CLIC2: variants seen among roughly 807,000 people sequenced by gnomAD.
CLIC2 encodes chloride intracellular channel protein 2.
CLIC2 carries 9 observed loss-of-function variants against 14.8 expected under a neutral mutation model. The ratio of observed to expected loss-of-function variants is 0.61; its 90% CI spans 0.37 to 1.06. CLIC2 has a LOEUF of 1.06. CLIC2 is among the 50% of genes least tolerant of loss of function. The pLI is 0.01. For missense variants in CLIC2, 148 were observed against 181.4 expected (o/e 0.82, Z 1.06); for synonymous variants, 61 against 66.3 (o/e 0.92, Z 0.39).
chrX:155,296,199 G>C (rs2074991377), intron 3 of CLIC2, among the ~76,000 whole-genome samples: 1 of 111,632 alleles, frequency 9.0e-6, no homozygotes, highest in Non-Finnish European at 1.9e-5. Flanking sequence ...AGAGAACCTA[G>C]AAATAAATTC....
At chrX:155,278,136 G>C (rs1193960050) in intron 5 of CLIC2, 72 bp from the exon 6 acceptor site, 1 of 937,099 alleles carries the variant, frequency 1.1e-6, no homozygotes, top group African/African-American at 1.9e-5. Context: ...ATGTTTCTTA[G>C]AAGTCAAGAT....
At chrX:155,296,941 C>CA (rs1340909073) in intron 3 of CLIC2, among the ~76,000 whole-genome samples, 4 of 111,618 alleles carry the variant, frequency 3.6e-5, no homozygotes, top group Non-Finnish European at 7.5e-5. Context: ...CCATAAGATC[C>CA]AAAAATCTCA....
chrX:155,305,647 C>A (rs1233452471), intron 1 of CLIC2, among the ~76,000 whole-genome samples: 1 of 112,562 alleles, frequency 8.9e-6, no homozygotes, highest in Non-Finnish European at 1.9e-5. Context: ...TGGCCATTGG[C>A]CATTTCCTTA....
rs782522627 is a variant in CLIC2, at chrX:155,312,357, G to A, written c.58-13212C>T. On this transcript the variant is annotated intron_variant, in intron 1 of 5. Transcript: ENST00000369449. ...TATTTTTGTATATGGTGTAGGAAAG[G>A]GGTCCATTTTAAACCTCCTGCATAG... is the stretch of plus-strand genomic sequence containing the variant. Among the ~76,000 whole-genome samples, 4 of 111,891 alleles carry A rather than the reference G, an allele frequency of 3.6e-5. No individual in the cohort carries two copies. The South Asian group carries it at 1.5e-3, about 41-fold the overall frequency.
intron 3 of CLIC2, among the ~76,000 whole-genome samples, chrX:155,282,402 GAGA>G (rs1189934170): frequency 4.5e-5 from 5 of 111,404 alleles, no homozygotes; most frequent in African/African-American, 1.6e-4. Context: ...CTTTGCTTGG[GAGA>G]AGAAGAGGTA....
intron 1 of CLIC2, among the ~76,000 whole-genome samples, chrX:155,317,213 G>A (rs1369904850): frequency 9.0e-6 from 1 of 111,694 alleles, no homozygotes; most frequent in African/African-American, 3.3e-5. Flanking sequence ...ATAAAGATCA[G>A]AGCAGAACTA....
chrX:155,293,163 G>A (rs1443939536), intron 3 of CLIC2: 8 of 689,399 alleles, frequency 1.2e-5, no homozygotes, highest in Non-Finnish European at 1.7e-5. Flanking sequence ...CCTCTGGCAA[G>A]GTATCTGAAG....
intron 1 of CLIC2, among the ~76,000 whole-genome samples, chrX:155,327,970 CA>C (rs1391822554): frequency 9.0e-6 from 1 of 110,597 alleles, no homozygotes; most frequent in South Asian, 3.8e-4. Flanking sequence ...CCCTTTATGA[CA>C]AAAAACCCTC....
At chrX:155,327,558 C>T (rs375781057) in intron 1 of CLIC2, among the ~76,000 whole-genome samples, 1 of 110,697 alleles carries the variant, frequency 9.0e-6, no homozygotes, top group African/African-American at 3.3e-5. Context: ...AGCTAGAAGC[C>T]ATTATCCCTA....
intron 1 of CLIC2, among the ~76,000 whole-genome samples, chrX:155,322,048 C>A (rs1439299632): frequency 3.6e-5 from 4 of 111,367 alleles, no homozygotes; most frequent in Non-Finnish European, 7.5e-5. Flanking sequence ...CAGGAGCAAC[C>A]AGATTCATAA....
chrX:155,281,027 T>C (rs1427274251), intron 3 of CLIC2, among the ~76,000 whole-genome samples: 1 of 97,094 alleles, frequency 1.0e-5, no homozygotes, highest in African/African-American at 4.0e-5. Flanking sequence ...AATAGAATAT[T>C]AATCAGCCTT....
chrX:155,323,621 CA>C (rs782355049), intron 1 of CLIC2, among the ~76,000 whole-genome samples: 36 of 112,014 alleles, frequency 3.2e-4, no homozygotes, highest in Non-Finnish European at 6.2e-4. Flanking sequence ...AAAACTGGCA[CA>C]AGACAAGGAT....
chrX:155,332,692 T>C (rs1469089905), intron 1 of CLIC2, among the ~76,000 whole-genome samples: 1 of 112,228 alleles, frequency 8.9e-6, no homozygotes, highest in Admixed American at 9.5e-5. Context: ...AAGTACTCAA[T>C]AAATTATTGG....
chrX:155,300,162 A>T (rs1166854673), intron 1 of CLIC2, among the ~76,000 whole-genome samples: 3 of 109,688 alleles, frequency 2.7e-5, no homozygotes, highest in Non-Finnish European at 5.7e-5. Context: ...ACTGACTTCC[A>T]CAATGGTTGA....
intron 3 of CLIC2, among the ~76,000 whole-genome samples, chrX:155,293,907 T>C (rs962218452): frequency 3.6e-5 from 4 of 111,980 alleles, no homozygotes; most frequent in African/African-American, 1.3e-4. Flanking sequence ...TCCAGATTCA[T>C]AAAGCAAACA....
chrX:155,287,775 T>A (rs1557317223), intron 3 of CLIC2, among the ~76,000 whole-genome samples: 1 of 112,363 alleles, frequency 8.9e-6, no homozygotes, highest in Non-Finnish European at 1.9e-5. Context: ...TTTTTTCTAG[T>A]TCTGTGAAGA....
In CLIC2 at chrX:155,278,007, G is replaced by A; in HGVS notation, c.640C>T (p.Arg214Cys). 2.5e-6 allele frequency: 3 copies of A among 1,209,053 alleles called. No individual in the cohort carries two copies. The highest frequency in any genetic ancestry group is 3.4e-6 in the Non-Finnish European group (3 of 893,493). Residue 214 changes from arginine (R) to cysteine (C), a missense_variant, in exon 6 of 6, where the codon CGT (arginine) becomes TGT (cysteine). By Grantham distance (180) the Arg-to-Cys change is radical. Transcript: ENST00000369449. ...CGGGCATAGGCATTGTGGAGATAAC[G>A]CCAGACTCCTGAGAATTCTGCTGGA... ...DIPAEFSGVWRYLHNAYAREE... is the reference protein window; with the variant it reads ...DIPAEFSGVWCYLHNAYAREE...
Position 155,298,889 on chromosome X carries a change from G to A in CLIC2, c.189C>T (p.Asp63=), listed in dbSNP as rs927911050. ...DMTRKPEELK[D]LAPGTNPPFL... Reference sequence around the variant, plus strand: ...ACGGAGGATTGGTACCTGGGGCTAAGTCCTTTAGTTCTTCAGGCTTTCTAT... The same window carrying A: ...ACGGAGGATTGGTACCTGGGGCTAAATCCTTTAGTTCTTCAGGCTTTCTAT... The change falls in exon 3 of 6, where the codon GAC becomes GAT. Residue 63 remains aspartate (D), a synonymous_variant. Transcript: ENST00000369449. The A allele has an allele frequency of 1.7e-6, 2 of 1,209,164 alleles. No homozygotes were observed. Among genetic ancestry groups the A allele is most frequent in the Admixed American group, 2.2e-5 (1 of 46,011 alleles).
chrX:155,325,773 T>C (rs1485485038), intron 1 of CLIC2, among the ~76,000 whole-genome samples: 3 of 60,525 alleles, frequency 5.0e-5, no homozygotes, highest in Non-Finnish European at 9.2e-5. Flanking sequence ...TATATATATA[T>C]ATATATATAT....
Sources: allele counts gnomAD v4.1 joint callset (sites outside exome capture counted in the v4.1 genomes callset), GRCh38; gene constraint gnomAD v4.1.1; transcripts MANE v1.5; gene names NCBI Gene and HGNC (gene_info 2026-07-23, HGNC 2026-07-21).